The following WWC1 variants were observed in gnomAD, a reference collection of about 807,000 sequenced individuals.
WWC1 encodes WW and C2 domain containing 1, also known as protein KIBRA.
In WWC1, 55 loss-of-function variants were observed where a neutral mutation model predicts 138.4. That is an observed-to-expected ratio of 0.40 (90% CI 0.32 to 0.50). The LOEUF is 0.50. WWC1 is among the 20% of genes least tolerant of loss of function. WWC1 has a pLI of 0.72. For synonymous variants in WWC1, 524 were observed against 564.9 expected, an observed-to-expected ratio of 0.93 and a Z score of 1.03; for missense variants, 1,226 against 1,420.4, an observed-to-expected ratio of 0.86 and a Z score of 2.20.
chr5:168,334,320 C>T (rs1015864326), intron 1 of WWC1, among the ~76,000 whole-genome samples: 8 of 152,158 alleles, frequency 5.3e-5, no homozygotes, highest in East Asian at 1.9e-4. Flanking sequence ...TTTGCCTCTC[C>T]GGCCCCATCC....
intron 5 of WWC1, among the ~76,000 whole-genome samples, chr5:168,403,875 C>T (rs377248008): frequency 7.9e-6 from 1 of 125,960 alleles, no homozygotes; most frequent in Non-Finnish European, 1.6e-5. Flanking sequence ...CATGCATACA[C>T]ACACACACAC....
In WWC1 at chr5:168,392,980, C is replaced by A. The variant is rs551187340; in HGVS notation, c.434-4744C>A. ...CGGTACTACATTGTTTAAAAAGGAACCTTCAGAGAATAAAAAAGAGCTCAT... is the reference window on the plus strand; with the variant it reads ...CGGTACTACATTGTTTAAAAAGGAAACTTCAGAGAATAAAAAAGAGCTCAT... On this transcript the variant is annotated intron_variant, in intron 3 of 22. Transcript: ENST00000265293. 1.3e-4 allele frequency among the ~76,000 whole-genome samples: 20 copies of A among 151,658 alleles called. No individual in the cohort carries two copies. In the South Asian group the frequency reaches 3.1e-3, roughly 24 times the overall value.
rs368353585 is a variant in WWC1 at position 168,441,731 on chromosome 5, C to T, written c.2330C>T (p.Ser777Leu). Residue 777 changes from serine to leucine, a missense_variant, in exon 16 of 23, where the codon TCG (serine) becomes TTG (leucine). Ser to Leu is a moderately radical substitution (Grantham distance 145). Coordinates refer to ENST00000265293, the MANE Select transcript of WWC1 (RefSeq NM_015238.3). ...GAGGTCTGCCGGTCTGGGGAGAGGT[C>T]GACTCGCTGGTACAACCTTCTCAGC... ...LAEVCRSGER[S>L]TRWYNLLSYK... The T allele has an allele frequency of 3.0e-5, 48 of 1,614,132 alleles. 1 individual carries two copies. The East Asian group carries it at 6.9e-4, about 23-fold the overall frequency.
chr5:168,461,132 C>T (rs1357692753), intron 20 of WWC1, among the ~76,000 whole-genome samples: 1 of 152,104 alleles, frequency 6.6e-6, no homozygotes, highest in East Asian at 1.9e-4. Flanking sequence ...GGTTTGAGAC[C>T]AGCCTGGCCA....
At chr5:168,364,303 C>T (rs753817939) in intron 1 of WWC1, among the ~76,000 whole-genome samples, 4 of 152,132 alleles carry the variant, frequency 2.6e-5, no homozygotes, top group Non-Finnish European at 4.4e-5. Context: ...ACAGCTCTTT[C>T]CTCCTCCCCT....
intron 1 of WWC1, among the ~76,000 whole-genome samples, chr5:168,370,762 C>T (rs1297880373): frequency 1.3e-5 from 2 of 152,184 alleles, no homozygotes; most frequent in African/African-American, 4.8e-5. Flanking sequence ...GTGATTACTA[C>T]CACTTTGATC....
intron 2 of WWC1, among the ~76,000 whole-genome samples, chr5:168,373,213 C>T (rs1776889454): frequency 1.3e-5 from 2 of 152,132 alleles, no homozygotes. Context: ...TTGCTGAGTG[C>T]ATCCCCCTCA....
In WWC1 at chr5:168,292,538, C is replaced by G. The variant is rs1581831517; in HGVS notation, c.119+267C>G. Among the ~76,000 whole-genome samples, 1 of 152,054 alleles carries G rather than the reference C, an allele frequency of 6.6e-6. No individual in the cohort carries two copies. The highest frequency in any genetic ancestry group is 2.4e-5 in the African/African-American group (1 of 41,426). On this transcript the variant is annotated intron_variant, in intron 1 of 22. Transcript: ENST00000265293. The surrounding 1 kb of genome is among the most constrained non-coding windows in gnomAD (Gnocchi z 4.4). ...GGAGGACTTAGGCCCCAGCCGGCAC[C>G]TGCCCGGAGTTTTGACCTTAAGCTC...
At chr5:168,433,677 A>G (rs1177463024) in intron 15 of WWC1, among the ~76,000 whole-genome samples, 1 of 152,156 alleles carries the variant, frequency 6.6e-6, no homozygotes. Context: ...AGCTGGGACT[A>G]CAAGCGCCCA....
chr5:168,426,925 C>T (rs1427887418), intron 11 of WWC1, among the ~76,000 whole-genome samples: 1 of 152,210 alleles, frequency 6.6e-6, no homozygotes, highest in African/African-American at 2.4e-5. Context: ...TGGCAATGGG[C>T]CTGGCACATC....
At chr5:168,410,930 G>C (rs7718460) in intron 8 of WWC1, among the ~76,000 whole-genome samples, 20,948 of 132,164 alleles carry the variant, frequency 0.16, 2,034 homozygotes, top group African/African-American at 0.27. Flanking sequence ...CATGATCTTT[G>C]CTTTTTTTTT....
chr5:168,445,159 C>T (rs1448089634), intron 17 of WWC1, among the ~76,000 whole-genome samples: 1 of 150,700 alleles, frequency 6.6e-6, no homozygotes, highest in South Asian at 2.1e-4. Context: ...ACTAAAGATA[C>T]AAAAATTAGC....
intron 15 of WWC1, among the ~76,000 whole-genome samples, chr5:168,439,893 A>G (rs2152869030): frequency 6.6e-6 from 1 of 152,326 alleles, no homozygotes; most frequent in East Asian, 1.9e-4. Context: ...CACCAATGGC[A>G]TTTGTTGTCA....
At chr5:168,326,497 A>G (rs111593827) in intron 1 of WWC1, among the ~76,000 whole-genome samples, 17,030 of 148,810 alleles carry the variant, frequency 0.11, 1,296 homozygotes, top group Non-Finnish European at 0.15. Context: ...GATTACAGGC[A>G]TGAGCCACCG....
rs536805996 is a variant in WWC1, at chr5:168,356,849, C to T, written c.120-14575C>T. Among the ~76,000 whole-genome samples, 83 of 152,274 alleles carry T rather than the reference C, an allele frequency of 5.5e-4. No individual in the cohort carries two copies. In the South Asian group the frequency reaches 9.3e-3, roughly 17 times the overall value. On this transcript the variant is annotated intron_variant, in intron 1 of 22. Transcript: ENST00000265293. Reference sequence around the variant, plus strand: ...TGGGAATAAGGGAAGCCCATGGAGACGGTTCCTGGTGGAGGAGATGGAGCA... The same window carrying T: ...TGGGAATAAGGGAAGCCCATGGAGATGGTTCCTGGTGGAGGAGATGGAGCA...
At chr5:168,433,538 G>A (rs1163527863) in intron 15 of WWC1, among the ~76,000 whole-genome samples, 1 of 151,898 alleles carries the variant, frequency 6.6e-6, no homozygotes, top group East Asian at 1.9e-4. Flanking sequence ...CTCTTTACAT[G>A]CATTATCTGT....
rs1779170691 is a variant in WWC1 at position 168,399,713 on chromosome 5, G to A, written c.590+146G>A. ...CATTCAATTCAAGTTCTGTTCCACT[G>A]GCATTTCCTGAAGATACTGCCACCC... is the stretch of plus-strand genomic sequence containing the variant. On this transcript the variant is annotated intron_variant, in intron 5 of 22. Coordinates refer to ENST00000265293, the MANE Select transcript of WWC1 (RefSeq NM_015238.3). The A allele has an allele frequency of 4.8e-6, 4 of 833,310 alleles. No individual in the cohort carries two copies. The Admixed American group carries it at 9.8e-5, about 20-fold the overall frequency. 51.6% of individuals were successfully genotyped at this position (833,310 alleles called of 1,614,324 possible). A position where few individuals can be genotyped will look rare whatever the true frequency, so the allele number is the denominator to read the frequency against.
At chr5:168,406,056 G>A (rs1779763746) in intron 5 of WWC1, 142 bp from the exon 6 acceptor site, 3 of 1,063,068 alleles carry the variant, frequency 2.8e-6, no homozygotes, top group Non-Finnish European at 4.0e-6. Flanking sequence ...TCCCACAAGT[G>A]GGACCTAGGG....
At chr5:168,372,315 G>A (rs1415753687) in intron 2 of WWC1, among the ~76,000 whole-genome samples, 2 of 152,100 alleles carry the variant, frequency 1.3e-5, no homozygotes, top group Admixed American at 1.3e-4. Flanking sequence ...GCACCCTCTT[G>A]GCCAAGACTG....
Sources: allele counts gnomAD v4.1 joint callset (sites outside exome capture counted in the v4.1 genomes callset), GRCh38; gene constraint gnomAD v4.1.1; non-coding constraint Gnocchi (gnomAD v3.1); transcripts MANE v1.5; gene names NCBI Gene and HGNC (gene_info 2026-07-23, HGNC 2026-07-21).